Variants in RALGPS2 observed in about 807,000 individuals in gnomAD.
The protein encoded by RALGPS2 is ras-specific guanine nucleotide-releasing factor RalGPS2.
In RALGPS2, 43 loss-of-function variants were observed where a neutral mutation model predicts 86.8. That is an observed-to-expected ratio of 0.50 (90% CI 0.39 to 0.64). The LOEUF is 0.64. Ranked by LOEUF, RALGPS2 falls within the 30% of genes least tolerant of loss-of-function variation. The pLI, the probability that RALGPS2 is intolerant of heterozygous loss-of-function variation, is 0.00. For synonymous variants in RALGPS2, 243 were observed against 231.3 expected (o/e 1.05, Z -0.46); for missense variants, 536 against 694.6 (o/e 0.77, Z 2.57).
At chr1:178,760,905 G>T (rs1003343453) in intron 1 of RALGPS2, among the ~76,000 whole-genome samples, 1 of 151,256 alleles carries the variant, frequency 6.6e-6, no homozygotes, top group Non-Finnish European at 1.5e-5. Flanking sequence ...CTTCTTCTCG[G>T]TCTCTTTCAG....
chr1:178,806,329 C>T (rs991884007), intron 4 of RALGPS2, among the ~76,000 whole-genome samples: 15 of 152,198 alleles, frequency 9.9e-5, no homozygotes, highest in African/African-American at 3.6e-4. Context: ...GAAGGCATTG[C>T]TTCAGTTGTT....
intron 4 of RALGPS2, among the ~76,000 whole-genome samples, chr1:178,794,032 A>G (rs1056488300): frequency 6.6e-6 from 1 of 152,144 alleles, no homozygotes; most frequent in African/African-American, 2.4e-5. Context: ...AAGTTTTCCC[A>G]TATTTCTTAT....
chr1:178,760,905 G>A (rs1003343453), intron 1 of RALGPS2, among the ~76,000 whole-genome samples: 2 of 151,256 alleles, frequency 1.3e-5, no homozygotes, highest in Non-Finnish European at 2.9e-5. Flanking sequence ...CTTCTTCTCG[G>A]TCTCTTTCAG....
At chr1:178,796,887 A>G (rs1000212959) in intron 4 of RALGPS2, among the ~76,000 whole-genome samples, 1 of 152,166 alleles carries the variant, frequency 6.6e-6, no homozygotes, top group African/African-American at 2.4e-5. Flanking sequence ...TCTTTCAAAT[A>G]CACTTATAAT....
At chr1:178,826,366 C>A (rs1558136649) in intron 7 of RALGPS2, among the ~76,000 whole-genome samples, 1 of 152,134 alleles carries the variant, frequency 6.6e-6, no homozygotes, top group Non-Finnish European at 1.5e-5. Context: ...ATTCATCTCT[C>A]TTTAAAAGCA....
At chr1:178,874,019 T>C (rs982119588) in intron 8 of RALGPS2, among the ~76,000 whole-genome samples, 3 of 152,096 alleles carry the variant, frequency 2.0e-5, no homozygotes, top group Admixed American at 6.5e-5. Context: ...CTAGACACTT[T>C]TCTAACATTA....
intron 10 of RALGPS2, 93 bp downstream of exon 10, chr1:178,879,085 A>G (rs976403272): frequency 2.1e-5 from 32 of 1,499,994 alleles, no homozygotes; most frequent in African/African-American, 2.8e-5. Flanking sequence ...CCTACATGGT[A>G]TCATACAAAG....
chr1:178,881,458 C>G (rs967216644), intron 10 of RALGPS2, among the ~76,000 whole-genome samples: 1 of 152,004 alleles, frequency 6.6e-6, no homozygotes, highest in African/African-American at 2.4e-5. Context: ...CATTGTTTTT[C>G]TTTTTCTTGG....
intron 1 of RALGPS2, among the ~76,000 whole-genome samples, chr1:178,731,859 T>G (rs535323549): frequency 1.3e-5 from 2 of 152,134 alleles, no homozygotes; most frequent in Non-Finnish European, 2.9e-5. Flanking sequence ...TTTAGGCATT[T>G]TGGGCAATAC....
intron 10 of RALGPS2, among the ~76,000 whole-genome samples, chr1:178,880,784 T>C (rs923235569): frequency 2.6e-5 from 4 of 152,210 alleles, no homozygotes; most frequent in Non-Finnish European, 5.9e-5. Context: ...GCACAGTTTA[T>C]AGAGGATGGC....
intron 8 of RALGPS2, among the ~76,000 whole-genome samples, chr1:178,836,904 C>G (rs1332482697): frequency 6.6e-6 from 1 of 152,080 alleles, no homozygotes; most frequent in African/African-American, 2.4e-5. Context: ...TTAGCCTCTG[C>G]AGTAGCTGAG....
intron 4 of RALGPS2, among the ~76,000 whole-genome samples, chr1:178,795,151 G>A (rs772520840): frequency 1.3e-4 from 19 of 151,454 alleles, no homozygotes; most frequent in Admixed American, 2.0e-4. Flanking sequence ...CTGCACTCCA[G>A]CCTGGGTGAT....
chr1:178,782,812 T>C (rs1653459842), intron 2 of RALGPS2, among the ~76,000 whole-genome samples: 1 of 151,972 alleles, frequency 6.6e-6, no homozygotes, highest in Non-Finnish European at 1.5e-5. Flanking sequence ...CTAGAGGAAA[T>C]TGAAGACTCA....
At chr1:178,828,894 T>C (rs867893963) in intron 7 of RALGPS2, among the ~76,000 whole-genome samples, 6 of 152,312 alleles carry the variant, frequency 3.9e-5, no homozygotes, top group Non-Finnish European at 4.4e-5. Context: ...AGAACAATTA[T>C]GTGATCCAGC....
chr1:178,747,503 A>G, intron 1 of RALGPS2: 3 of 1,609,800 alleles, frequency 1.9e-6, no homozygotes, highest in Non-Finnish European at 2.5e-6. Context: ...TTTCTCCATA[A>G]TGCGGTTCAG....
At chr1:178,813,692 G>T (rs1655096877) in intron 6 of RALGPS2, among the ~76,000 whole-genome samples, 1 of 152,194 alleles carries the variant, frequency 6.6e-6, no homozygotes, top group South Asian at 2.1e-4. Context: ...TATGAAATCT[G>T]TAGGGTAGGC....
chr1:178,873,665 A>G (rs1658868208), intron 8 of RALGPS2, among the ~76,000 whole-genome samples: 1 of 152,216 alleles, frequency 6.6e-6, no homozygotes, highest in Non-Finnish European at 1.5e-5. Context: ...GAATGTCTAT[A>G]GCAACATGGT....
intron 19 of RALGPS2, among the ~76,000 whole-genome samples, chr1:178,909,621 G>A (rs1660530144): frequency 1.5e-5 from 2 of 132,072 alleles, no homozygotes; most frequent in South Asian, 2.6e-4. Flanking sequence ...AGCAATTTTT[G>A]TAATTCTCTT....
At chr1:178,737,963 GAGACAT>G (rs1650816223) in intron 1 of RALGPS2, among the ~76,000 whole-genome samples, 1 of 151,756 alleles carries the variant, frequency 6.6e-6, no homozygotes, top group African/African-American at 2.4e-5. Context: ...TTTTTTTGTA[GAGACAT>G]AGTCTCTACT....
Sources: gnomAD v4.1 joint callset for allele counts (sites outside exome capture counted in the v4.1 genomes callset) on GRCh38, gnomAD v4.1.1 for gene constraint, MANE v1.5 for transcripts, NCBI Gene and HGNC (gene_info 2026-07-23, HGNC 2026-07-21) for gene names.